Variants in PIN4 observed in about 807,000 individuals in gnomAD.
PIN4 encodes peptidylprolyl cis/trans isomerase, NIMA-interacting 4.
Under a neutral mutation model 8.3 loss-of-function variants are expected in PIN4, and 3 were observed. The ratio of observed to expected loss-of-function variants is 0.36; its 90% CI spans 0.16 to 0.93. PIN4 has a LOEUF of 0.93. Ranked by LOEUF, PIN4 falls within the 40% of genes least tolerant of loss-of-function variation. The pLI is 0.44. For missense variants in PIN4, 75 were observed against 100.6 expected (o/e 0.75, Z 1.09); for synonymous variants, 18 against 32.5 (o/e 0.55, Z 1.52).
At chrX:72,216,257 A>G (rs140817121) in intron 3 of PIN4, among the ~76,000 whole-genome samples, 348 of 109,196 alleles carry the variant, frequency 3.2e-3, no homozygotes, top group Non-Finnish European at 5.7e-3. Flanking sequence ...GGAGTGACGC[A>G]TCTACAAGCC....
intron 3 of PIN4, among the ~76,000 whole-genome samples, chrX:72,218,839 T>G (rs1483364193): frequency 8.9e-6 from 1 of 112,848 alleles, no homozygotes; most frequent in East Asian, 2.8e-4. Context: ...ACACAGGATA[T>G]CTTTCTTTTA....
At chrX:72,258,954 TA>T (rs5902701) in intron 3 of PIN4, among the ~76,000 whole-genome samples, 1 of 109,800 alleles carries the variant, frequency 9.1e-6, no homozygotes, top group African/African-American at 3.3e-5. Flanking sequence ...CGCCAGAAAA[TA>T]AAAAAAATTT....
At chrX:72,261,490 T>A (rs1483607076) in intron 3 of PIN4, among the ~76,000 whole-genome samples, 1 of 111,433 alleles carries the variant, frequency 9.0e-6, no homozygotes, top group Non-Finnish European at 1.9e-5. Flanking sequence ...AGGCCAGCCA[T>A]TTCATAGCGA....
At chrX:72,201,795 G>A (rs779628894), downstream of PIN4, among the ~76,000 whole-genome samples, 15 of 112,763 alleles carry the variant, frequency 1.3e-4, no homozygotes, top group Non-Finnish European at 2.6e-4. Flanking sequence ...CAGTTTATGC[G>A]TACATTTGTT....
intron 2 of PIN4, among the ~76,000 whole-genome samples, chrX:72,195,083 CTCAT>C (rs1281576941): frequency 8.9e-6 from 1 of 112,173 alleles, no homozygotes; most frequent in East Asian, 2.8e-4. Flanking sequence ...TGCCTAATAA[CTCAT>C]TTCTCATGTT....
chrX:72,223,111 C>T (rs1407163933), intron 3 of PIN4, among the ~76,000 whole-genome samples: 16 of 99,756 alleles, frequency 1.6e-4, no homozygotes, highest in African/African-American at 3.6e-4. Flanking sequence ...CCGAGGCAGG[C>T]GGATCACGAG....
chrX:72,223,882 G>T (rs1049359618), intron 3 of PIN4, among the ~76,000 whole-genome samples: 3 of 111,352 alleles, frequency 2.7e-5, no homozygotes, highest in Non-Finnish European at 5.7e-5. Context: ...GCAAAGGCTT[G>T]TCCTAGCCCC....
intron 2 of PIN4, among the ~76,000 whole-genome samples, chrX:72,195,859 C>T (rs759125694): frequency 2.8e-4 from 31 of 111,296 alleles, no homozygotes; most frequent in Non-Finnish European, 3.8e-5. Flanking sequence ...TGGCTGACGC[C>T]TGTAATCCTA....
rs1255297570 is a variant in PIN4 at position 72,247,544 on chromosome X, C to T, written c.313-15163C>T. Among the ~76,000 whole-genome samples, 5 of 112,591 alleles carry T rather than the reference C, an allele frequency of 4.4e-5. No individual in the cohort carries two copies. In the Admixed American group the frequency reaches 4.7e-4, roughly 11 times the overall value. On this transcript the variant is annotated intron_variant, in intron 3 of 3. Coordinates refer to the PIN4 transcript ENST00000423432. ...GGTCAAGGCTTCTCCCTGGTGCCAG[C>T]CCAAGAAGGGACTCCAAGTGGGCAT...
chrX:72,181,947 C>G (rs2042675310), intron 1 of PIN4, 119 bp downstream of exon 1: 1 of 521,962 alleles, frequency 1.9e-6, no homozygotes, highest in Non-Finnish European at 3.4e-6. Flanking sequence ...CCCCACAGTG[C>G]TGCCATCGAT....
At chrX:72,187,488 G>A (rs1033838548) in intron 2 of PIN4, among the ~76,000 whole-genome samples, 2 of 111,588 alleles carry the variant, frequency 1.8e-5, no homozygotes, top group Non-Finnish European at 3.8e-5. Context: ...TTTTTATCAT[G>A]TATTTATTTA....
chrX:72,250,290 A>C (rs1352937588), intron 3 of PIN4, among the ~76,000 whole-genome samples: 1 of 109,947 alleles, frequency 9.1e-6, no homozygotes, highest in Non-Finnish European at 1.9e-5. Context: ...ATTTCATCTC[A>C]ATTTTTCAAG....
chrX:72,202,685 C>T (rs1178357259), downstream of PIN4, among the ~76,000 whole-genome samples: 2 of 111,385 alleles, frequency 1.8e-5, no homozygotes, highest in Admixed American at 9.6e-5. Context: ...TATATTCAAT[C>T]GTATTACCCT....
intron 3 of PIN4, among the ~76,000 whole-genome samples, chrX:72,253,000 C>T (rs1386295990): frequency 9.0e-6 from 1 of 111,224 alleles, no homozygotes. Flanking sequence ...TATCAAGTCC[C>T]CCTCGACATC....
intron 1 of PIN4, among the ~76,000 whole-genome samples, chrX:72,182,743 G>A (rs1815376255): frequency 9.0e-6 from 1 of 111,430 alleles, no homozygotes; most frequent in African/African-American, 3.3e-5. Flanking sequence ...AGGTCAAGAT[G>A]TGCATTGAGG....
chrX:72,262,865 G>A, exon 4 of PIN4: 1 of 614,275 alleles, frequency 1.6e-6, no homozygotes. Flanking sequence ...AATTTCAGAA[G>A]GTGACATTTT....
intron 3 of PIN4, among the ~76,000 whole-genome samples, chrX:72,233,746 C>T (rs2042999979): frequency 1.0e-5 from 1 of 96,793 alleles, no homozygotes; most frequent in African/African-American, 4.4e-5. Flanking sequence ...TGAATATGGA[C>T]TATGTATTAG....
chrX:72,257,352 C>A (rs1320638982), intron 3 of PIN4, among the ~76,000 whole-genome samples: 2 of 108,555 alleles, frequency 1.8e-5, no homozygotes, highest in Admixed American at 2.0e-4. Flanking sequence ...AGAAAAGTGA[C>A]GTGATTTGAC....
chrX:72,212,034 G>A (rs1020871077), intron 3 of PIN4, among the ~76,000 whole-genome samples: 1 of 111,115 alleles, frequency 9.0e-6, no homozygotes, highest in Non-Finnish European at 1.9e-5. Flanking sequence ...CAGCACTTTG[G>A]GAGGCTGAGG....
Sources: gnomAD v4.1 joint callset for allele counts (sites outside exome capture counted in the v4.1 genomes callset) on GRCh38, gnomAD v4.1.1 for gene constraint, MANE v1.5 for transcripts, NCBI Gene and HGNC (gene_info 2026-07-23, HGNC 2026-07-21) for gene names.